Variants in TNFAIP1 observed in about 807,000 individuals in gnomAD.
The protein encoded by TNFAIP1 is TNF alpha induced protein 1.
In TNFAIP1, 20 loss-of-function variants were observed where a neutral mutation model predicts 32.6. The ratio of observed to expected loss-of-function variants is 0.61; its 90% confidence interval spans 0.43 to 0.89. The LOEUF (loss-of-function observed/expected upper bound fraction) is 0.89, where lower values mean the gene tolerates loss of function less well. Ranked by LOEUF, TNFAIP1 falls within the 40% of genes least tolerant of loss-of-function variation. The pLI is 0.00. For missense variants in TNFAIP1, 319 were observed against 425.1 expected (o/e 0.75, Z 2.20); for synonymous variants, 166 against 166.8 (o/e 1.00, Z 0.04).
Position 28,342,101 on chromosome 17 carries a change from CTT to C in TNFAIP1, c.519-144_519-143del. ...CCAACCCAGAGGGTACCCTATGATC[CTT>C]TCTCTCCTGGCCCCCTGGCATCTTG... is the stretch of plus-strand genomic sequence containing the variant. On this transcript the variant is annotated intron_variant, in intron 5 of 6. Coordinates refer to ENST00000226225, the MANE Select transcript of TNFAIP1 (RefSeq NM_021137.5). This position sits in a 1 kb window ranked among gnomAD's most constrained non-coding sequence, Gnocchi z 4.0. The C allele has an allele frequency of 1.4e-6, 1 of 730,950 alleles. No individual in the cohort carries two copies. Among genetic ancestry groups the C allele is most frequent in the Non-Finnish European group, 2.1e-6 (1 of 472,706 alleles). The allele number at this position is 730,950 out of a possible 1,614,324, so 45.3% of individuals were successfully genotyped here.
intron 6 of TNFAIP1, among the ~76,000 whole-genome samples, chr17:28,343,100 A>G (rs1466575733): frequency 6.6e-6 from 1 of 152,220 alleles, no homozygotes; most frequent in African/African-American, 2.4e-5. Context: ...CCTTGAGCCC[A>G]GGAGTTTGAG....
intron 5 of TNFAIP1, among the ~76,000 whole-genome samples, chr17:28,341,686 T>C (rs534536776): frequency 2.6e-5 from 4 of 152,162 alleles, no homozygotes; most frequent in African/African-American, 4.8e-5. Flanking sequence ...TCAACGTGTA[T>C]CACGAAGGCA....
rs1362878322 is a variant in TNFAIP1, at chr17:28,346,774, T to C, written c.*2174T>C. ...AGCCCAGGGGTAAGTAAACAAAGTATGGATGAAGGTCAGATTTTCTTGTCA... is the reference window on the plus strand; with the variant it reads ...AGCCCAGGGGTAAGTAAACAAAGTACGGATGAAGGTCAGATTTTCTTGTCA... On this transcript the variant is annotated 3_prime_UTR_variant, in exon 7 of 7. Coordinates refer to ENST00000226225, the MANE Select transcript of TNFAIP1 (RefSeq NM_021137.5). The C allele has an allele frequency of 6.6e-6, 1 of 152,172 alleles. No individual in the cohort carries two copies. Among genetic ancestry groups the C allele is most frequent in the African/African-American group, 2.4e-5 (1 of 41,426 alleles). The allele number at this position is 152,172 out of a possible 1,614,324, so 9.4% of individuals were successfully genotyped here. A position where few individuals can be genotyped will look rare whatever the true frequency, so the allele number is the denominator to read the frequency against.
rs1907117070 is a variant in TNFAIP1 at position 28,335,791 on chromosome 17, T to G, written c.-180T>G. 1 of 152,414 alleles carries G rather than the reference T, an allele frequency of 6.6e-6. No individual in the cohort carries two copies. Among genetic ancestry groups the G allele is most frequent in the East Asian group, 1.9e-4 (1 of 5,166 alleles). The allele number at this position is 152,414 out of a possible 1,614,324, so 9.4% of individuals were successfully genotyped here. On this transcript the variant is annotated 5_prime_UTR_variant, in exon 1 of 7. Transcript: ENST00000226225. ...TTGGGACTGCTGAGGGGCAGGCGGC[T>G]GCAGGCTAGGGGCGGCTCGGAGTCC... is the stretch of plus-strand genomic sequence containing the variant.
Position 28,342,800 on chromosome 17 carries a change from C to T in TNFAIP1, c.714+358C>T, listed in dbSNP as rs1164012214. Among the ~76,000 whole-genome samples the T allele has an allele frequency of 1.3e-5, 2 of 152,210 alleles. No homozygotes were observed. The highest frequency in any genetic ancestry group is 2.4e-5 in the African/African-American group (1 of 41,448). On this transcript the variant is annotated intron_variant, in intron 6 of 6. Coordinates refer to ENST00000226225, the MANE Select transcript of TNFAIP1 (RefSeq NM_021137.5). This position sits in a 1 kb window ranked among gnomAD's most constrained non-coding sequence, Gnocchi z 4.0. The stretch of plus-strand genomic sequence containing the variant: ...TAAGCCATCTGGGCCTCAGGTTCCT[C>T]ATTTGCAGACATGGGGATGATAGTA...
At position 28,345,100 on chromosome 17, in the gene TNFAIP1, T is replaced by C. The variant is rs930199317; in HGVS notation, c.*500T>C. 10 of 171,704 alleles carry C rather than the reference T, an allele frequency of 5.8e-5. No individual in the cohort carries two copies. The highest frequency in any genetic ancestry group is 4.3e-4 in the Admixed American group (8 of 18,498). 10.6% of individuals were successfully genotyped at this position (171,704 alleles called of 1,614,324 possible). On this transcript the variant is annotated 3_prime_UTR_variant, in exon 7 of 7. Coordinates refer to ENST00000226225, the MANE Select transcript of TNFAIP1 (RefSeq NM_021137.5). The stretch of plus-strand genomic sequence containing the variant: ...AATCTAGTAATGAGGAAACTGAGCA[T>C]TTCTTTTGCCCTCCAGGGTGCCAAG...
chr17:28,336,034 T>TG (rs1555577373), intron 1 of TNFAIP1, among the ~76,000 whole-genome samples, 178 bp downstream of exon 1: 1 of 151,632 alleles, frequency 6.6e-6, no homozygotes. Flanking sequence ...TAGTGAGGAG[T>TG]GGTCCGGGCT....
Position 28,340,200 on chromosome 17 carries a change from C to T in TNFAIP1, c.206-109C>T, listed in dbSNP as rs2234116. 55,859 of 1,164,270 alleles carry T rather than the reference C, an allele frequency of 0.048. 1,611 individuals carry two copies. Among genetic ancestry groups the T allele is most frequent in the Non-Finnish European group, 0.057 (45,302 of 799,428 alleles). 72.1% of individuals were successfully genotyped at this position (1,164,270 alleles called of 1,614,324 possible). On this transcript the variant is annotated intron_variant, in intron 2 of 6. Coordinates refer to ENST00000226225, the MANE Select transcript of TNFAIP1 (RefSeq NM_021137.5). This position sits in a 1 kb window ranked among gnomAD's most constrained non-coding sequence, Gnocchi z 4.1. ...TGTCACCCTGCGTAAGGGCTTTGTG[C>T]TCGTGGACCCCCTTCCCTGCCACCT... is the stretch of plus-strand genomic sequence containing the variant.
At chr17:28,343,638 A>G (rs1190219810) in intron 6 of TNFAIP1, among the ~76,000 whole-genome samples, 1 of 152,114 alleles carries the variant, frequency 6.6e-6, no homozygotes, top group South Asian at 2.1e-4. Context: ...CGGAAGTGGC[A>G]GCGCACCTGG....
Position 28,339,581 on chromosome 17 carries a change from CAAGG to C in TNFAIP1, c.61_64del (p.Lys21GlufsTer25), listed in dbSNP as rs782376080. ...GGGCCAAGCCCAAGCTCAGTGGCTT[CAAGG>C]GAGGAGGGTTGGGCAACAAGTATGT... is the stretch of plus-strand genomic sequence containing the variant. On this transcript the variant is annotated frameshift_variant, in exon 2 of 7. Transcript: ENST00000226225. LOFTEE classifies it high-confidence loss of function. The C allele has an allele frequency of 1.2e-6, 2 of 1,613,738 alleles. No individual in the cohort carries two copies. The highest frequency in any genetic ancestry group is 1.7e-6 in the Non-Finnish European group (2 of 1,179,810).
At position 28,341,302 on chromosome 17, in the gene TNFAIP1, G is replaced by A; in HGVS notation, c.441G>A (p.Glu147=). The change falls in exon 4 of 7, where the codon GAG becomes GAA. Residue 147 remains glutamate, a synonymous_variant. Transcript: ENST00000226225. ...TCATCACATCCCTAAAGGAGGAGGA[G>A]CGGCTCATCGAATCCTCCACCAAGG... is the stretch of plus-strand genomic sequence containing the variant. ...IPIITSLKEE[E]RLIESSTKPV... is the part of the protein sequence containing the mutation. 6.2e-7 allele frequency: 1 copy of A among 1,614,242 alleles called. No homozygotes were observed. Among genetic ancestry groups the A allele is most frequent in the Middle Eastern group, 1.6e-4 (1 of 6,062 alleles).
chr17:28,337,535 A>AT (rs1160472461), intron 1 of TNFAIP1, among the ~76,000 whole-genome samples: 55 of 151,654 alleles, frequency 3.6e-4, no homozygotes, highest in African/African-American at 1.1e-3. Flanking sequence ...TATCTGGCTA[A>AT]TTTTTTTTTA....
At chr17:28,341,489 G>C (rs1555578174) in intron 5 of TNFAIP1, 33 bp downstream of exon 5, 1 of 1,612,960 alleles carries the variant, frequency 6.2e-7, no homozygotes, top group South Asian at 1.1e-5. Context: ...ACAGACACTG[G>C]GCAGCAGACC....
At position 28,346,587 on chromosome 17, in the gene TNFAIP1, TC is replaced by T. The variant is rs1555578996; in HGVS notation, c.*1988del. The T allele has an allele frequency of 6.6e-6, 1 of 152,164 alleles. No homozygotes were observed. The highest frequency in any genetic ancestry group is 2.4e-5 in the African/African-American group (1 of 41,426). 9.4% of individuals were successfully genotyped at this position (152,164 alleles called of 1,614,324 possible). On this transcript the variant is annotated 3_prime_UTR_variant, in exon 7 of 7. Coordinates refer to ENST00000226225, the MANE Select transcript of TNFAIP1 (RefSeq NM_021137.5). ...GGCATTTATCTTCTCTGACTGAAAA[TC>T]TCTCCTTGGTCTTAAGGAAAATACT...
In TNFAIP1 at chr17:28,341,229, T is replaced by G; in HGVS notation, c.376-8T>G. ...CCTAAAGAGGGTTCTCTGTTCTGTG[T>G]CGCACAGGACAAGAAGGACTCCTAC... On this transcript the variant is annotated splice_region_variant and splice_polypyrimidine_tract_variant and intron_variant, in intron 3 of 6. Coordinates refer to ENST00000226225, the MANE Select transcript of TNFAIP1 (RefSeq NM_021137.5). The G allele has an allele frequency of 1.9e-6, 3 of 1,613,876 alleles. No homozygotes were observed. In the South Asian group the frequency reaches 3.3e-5, roughly 18 times the overall value.
At chr17:28,343,278 C>T (rs1395195765) in intron 6 of TNFAIP1, among the ~76,000 whole-genome samples, 2 of 152,088 alleles carry the variant, frequency 1.3e-5, no homozygotes, top group African/African-American at 4.8e-5. Context: ...TCAGGTGGCC[C>T]CTCTCCCCCA....
intron 1 of TNFAIP1, among the ~76,000 whole-genome samples, chr17:28,339,068 C>CAAAA (rs527819223): frequency 1.0e-5 from 1 of 98,398 alleles, no homozygotes. Flanking sequence ...CTGTCTCTAC[C>CAAAA]AAAAAAAAAA....
rs782230323 is a variant in TNFAIP1 at position 28,340,493 on chromosome 17, C to T, written c.375+15C>T. ...GTGCCCTGCAGGTACATGGGTGGGG[C>T]GGAGCAGGGCGGGCAGATGAGGTCA... is the stretch of plus-strand genomic sequence containing the variant. On this transcript the variant is annotated intron_variant, in intron 3 of 6. Transcript: ENST00000226225. This position sits in a 1 kb window ranked among gnomAD's most constrained non-coding sequence, Gnocchi z 4.1. 14 of 1,597,620 alleles carry T rather than the reference C, an allele frequency of 8.8e-6. No homozygotes were observed. The highest frequency in any genetic ancestry group is 4.0e-5 in the African/African-American group (3 of 74,478).
In TNFAIP1 at chr17:28,342,479, A is replaced by G; in HGVS notation, c.714+37A>G. ...TGCCCCTGCCTGGGTAGGGGAGGAC[A>G]CACACCCACTGTGCGGGGGACGTGG... On this transcript the variant is annotated intron_variant, in intron 6 of 6. Transcript: ENST00000226225. The surrounding 1 kb of genome is among the most constrained non-coding windows in gnomAD (Gnocchi z 4.0). The G allele has an allele frequency of 6.5e-7, 1 of 1,548,144 alleles. No individual in the cohort carries two copies. Among genetic ancestry groups the G allele is most frequent in the Non-Finnish European group, 8.8e-7 (1 of 1,132,522 alleles).
Sources: gnomAD v4.1 joint callset for allele counts (sites outside exome capture counted in the v4.1 genomes callset) on GRCh38, gnomAD v4.1.1 for gene constraint, Gnocchi (gnomAD v3.1) non-coding constraint, MANE v1.5 for transcripts, NCBI Gene and HGNC (gene_info 2026-07-23, HGNC 2026-07-21) for gene names.